Variants in LARS1 observed in about 807,000 individuals in gnomAD.
LARS1 encodes the protein leucine--tRNA ligase, cytoplasmic.
A neutral mutation model predicts 162.8 loss-of-function variants in LARS1; 100 were observed. The observed-to-expected ratio is 0.61, with a 90% CI of 0.52 to 0.73. The LOEUF (loss-of-function observed/expected upper bound fraction) is 0.73. LARS1 is among the 30% of genes least tolerant of loss of function. LARS1 has a pLI of 0.00. For synonymous variants in LARS1, 457 were observed against 462.8 expected (o/e 0.99, Z 0.16); for missense variants, 1,258 against 1,408.9 (o/e 0.89, Z 1.71).
intron 2 of LARS1, among the ~76,000 whole-genome samples, chr5:146,175,973 A>G (rs1310621305): frequency 6.6e-6 from 1 of 152,028 alleles, no homozygotes; most frequent in Non-Finnish European, 1.5e-5. Flanking sequence ...TGGGCAACAT[A>G]GCAAGACCCT....
Position 146,125,722 on chromosome 5 carries a change from C to G in LARS1, c.2991+713G>C, listed in dbSNP as rs139735689. On this transcript the variant is annotated intron_variant, in intron 28 of 31. Coordinates refer to ENST00000394434, the MANE Select transcript of LARS1 (RefSeq NM_020117.11). Reference sequence around the variant, plus strand: ...AAGATTTTTCTGGCCCCATAGCCTGCGATCTTAAGCAATATAAGCCTTCTT... The same window carrying G: ...AAGATTTTTCTGGCCCCATAGCCTGGGATCTTAAGCAATATAAGCCTTCTT... Among the ~76,000 whole-genome samples the G allele has an allele frequency of 1.3e-5, 2 of 151,898 alleles. 1 individual carries two copies. Among genetic ancestry groups the G allele is most frequent in the South Asian group, 4.1e-4 (2 of 4,830 alleles).
At chr5:146,125,966 T>G (rs1008797385) in intron 28 of LARS1, among the ~76,000 whole-genome samples, 1 of 151,938 alleles carries the variant, frequency 6.6e-6, no homozygotes, top group South Asian at 2.1e-4. Context: ...CCATTACATA[T>G]CCTACAGTGC....
At chr5:146,128,397 T>C (rs1360565523) in intron 27 of LARS1, among the ~76,000 whole-genome samples, 1 of 152,156 alleles carries the variant, frequency 6.6e-6, no homozygotes, top group Non-Finnish European at 1.5e-5. Context: ...TCATTTCAAC[T>C]ACACATATGA....
Position 146,132,918 on chromosome 5 carries a change from G to A in LARS1, c.2376C>T (p.Phe792=). 1 of 1,613,476 alleles carries A rather than the reference G, an allele frequency of 6.2e-7. No homozygotes were observed. Among genetic ancestry groups the A allele is most frequent in the Non-Finnish European group, 8.5e-7 (1 of 1,179,646 alleles). ...DSLRSGPAST[F]NDRVFASELN... ...ATTACCTGGCAAAAACTCTATCATT[G>A]AAAGTGCTGGCAGGACCACTTCTTA... Residue 792 remains phenylalanine, a synonymous_variant, in exon 23 of 32, where the codon TTC becomes TTT. Coordinates refer to ENST00000394434, the MANE Select transcript of LARS1 (RefSeq NM_020117.11).
chr5:146,181,848 C>CTTTTTTTT lies in LARS1; in HGVS notation c.6+632_6+639dup, dbSNP rs34658033. Among the ~76,000 whole-genome samples, 137 of 53,030 alleles carry CTTTTTTTT rather than the reference C, an allele frequency of 2.6e-3. 30 individuals are homozygous for CTTTTTTTT. Among genetic ancestry groups the CTTTTTTTT allele is most frequent in the East Asian group, 9.4e-3 (10 of 1,066 alleles). The allele number at this position is 53,030 out of a possible 152,430, so 34.8% of individuals were successfully genotyped here. A position where few individuals can be genotyped will look rare whatever the true frequency, so the allele number is the denominator to read the frequency against. On this transcript the variant is annotated intron_variant, in intron 1 of 31. Transcript: ENST00000394434. The stretch of plus-strand genomic sequence containing the variant: ...TTTACGGAGAGGCGCTCAATTTTTT[C>CTTTTTTTT]TTTTTTTTTTTTTTTTTTTTTTTTT...
At chr5:146,128,592 A>G (rs1752138683) in intron 27 of LARS1, 80 bp downstream of exon 27, 1 of 842,068 alleles carries the variant, frequency 1.2e-6, no homozygotes, top group African/African-American at 1.8e-5. Flanking sequence ...TCTCCCAGAC[A>G]TTGCCAACAT....
chr5:146,116,394 A>C (rs933620835), intron 31 of LARS1, among the ~76,000 whole-genome samples: 6 of 152,192 alleles, frequency 3.9e-5, no homozygotes, highest in African/African-American at 1.4e-4. Flanking sequence ...TGTCTAAAAC[A>C]GACCTCCCTC....
chr5:146,115,365 C>T (rs75094995), intron 31 of LARS1, among the ~76,000 whole-genome samples: 14,969 of 151,780 alleles, frequency 0.099, 843 homozygotes, highest in East Asian at 0.2. Flanking sequence ...TAAATAATGA[C>T]TACTCTAAGA....
In LARS1 at chr5:146,164,508, A is replaced by G. The variant is rs1481800361; in HGVS notation, c.433-37T>C. 2.5e-6 allele frequency: 4 copies of G among 1,595,828 alleles called. No homozygotes were observed. The African/African-American group carries it at 5.4e-5, about 21-fold the overall frequency. On this transcript the variant is annotated intron_variant, in intron 5 of 31. Transcript: ENST00000394434. The stretch of plus-strand genomic sequence containing the variant: ...GGAGAAAAATAAACTCGATCAAAGA[A>G]TAACCAACACTCCAGGAAAATGACC...
At position 146,131,113 on chromosome 5, in the gene LARS1, T is replaced by C. The variant is rs752891357; in HGVS notation, c.2397-4A>G. ...TATAATTCCTGCATTCAATTCACTA[T>C]TGAATACGGGGAAAAAAAGGTTATT... On this transcript the variant is annotated splice_polypyrimidine_tract_variant and splice_region_variant and intron_variant, in intron 23 of 31. Coordinates refer to ENST00000394434, the MANE Select transcript of LARS1 (RefSeq NM_020117.11). 6 of 1,473,296 alleles carry C rather than the reference T, an allele frequency of 4.1e-6. No homozygotes were observed. Among genetic ancestry groups the C allele is most frequent in the East Asian group, 4.6e-5 (2 of 43,130 alleles). The allele number at this position is 1,473,296 out of a possible 1,614,324, so 91.3% of individuals were successfully genotyped here. A position where few individuals can be genotyped will look rare whatever the true frequency, so the allele number is the denominator to read the frequency against.
intron 10 of LARS1, among the ~76,000 whole-genome samples, chr5:146,157,150 G>A (rs1753565608): frequency 6.6e-6 from 1 of 152,186 alleles, no homozygotes; most frequent in Admixed American, 6.5e-5. Context: ...ACCTTTGGAG[G>A]AGAGAGGTGA....
At chr5:146,170,954 AAAAC>A (rs1004752192) in intron 4 of LARS1, among the ~76,000 whole-genome samples, 1 of 152,052 alleles carries the variant, frequency 6.6e-6, no homozygotes, top group Non-Finnish European at 1.5e-5. Context: ...AGACAGAACT[AAAAC>A]AAATATGGCA....
chr5:146,167,513 G>A (rs1375517549), intron 5 of LARS1, among the ~76,000 whole-genome samples: 2 of 151,766 alleles, frequency 1.3e-5, no homozygotes, highest in East Asian at 3.9e-4. Flanking sequence ...ACGCCATTCT[G>A]ATGCCTCAGC....
intron 14 of LARS1, among the ~76,000 whole-genome samples, chr5:146,151,385 TA>T (rs1753282575): frequency 6.6e-6 from 1 of 152,214 alleles, no homozygotes; most frequent in African/African-American, 2.4e-5. Flanking sequence ...CATGGAAATA[TA>T]AACCACATTA....
chr5:146,153,183 T>A lies in LARS1; in HGVS notation c.1275A>T (p.Pro425=). The A allele has an allele frequency of 1.2e-6, 2 of 1,613,048 alleles. No individual in the cohort carries two copies. Among genetic ancestry groups the A allele is most frequent in the African/African-American group, 1.3e-5 (1 of 75,032 alleles). ...KYGIRDDMVL[P]FEPVPVIEIP... ...TTATCTATGTACTCACCGGCTCAAA[T>A]GGCAAGACCATGTCATCTCTAATTC... The change falls in exon 13 of 32, where the codon CCA becomes CCT. Residue 425 remains proline (P), a synonymous_variant. Transcript: ENST00000394434.
Position 146,133,036 on chromosome 5 carries a change from G to T in LARS1, c.2258C>A (p.Ala753Asp), listed in dbSNP as rs1752353279. ...ATCTGCCATGGCTTCCACAAAGTTG[G>T]CATCTTCTACAGTGTCACCAGCATC... The part of the protein sequence containing the change: ...LADAGDTVED[A>D]NFVEAMADAG... Residue 753 changes from alanine to aspartate, a missense_variant, in exon 23 of 32, where the codon GCC becomes GAC. Physicochemically the swap from Ala to Asp is moderately radical, Grantham distance 126 (BLOSUM62 -2). Transcript: ENST00000394434. 1 of 1,613,852 alleles carries T rather than the reference G, an allele frequency of 6.2e-7. No individual in the cohort carries two copies.
chr5:146,157,281 T>C, intron 10 of LARS1, 122 bp downstream of exon 10: 1 of 794,696 alleles, frequency 1.3e-6, no homozygotes, highest in East Asian at 2.6e-5. Context: ...ACACAAGACT[T>C]ACACAGTTTA....
In LARS1 at chr5:146,118,277, C is replaced by T. The variant is rs147417455; in HGVS notation, c.3325+2094G>A. 2.8e-3 allele frequency among the ~76,000 whole-genome samples: 421 copies of T among 152,200 alleles called. 2 individuals carry two copies. Among genetic ancestry groups the T allele is most frequent in the Middle Eastern group, 0.01 (3 of 294 alleles). Reference sequence around the variant, plus strand: ...AAGAAAGGCACAGAATAACAAATATCGCATGATCTCACTCACATGTGGAAT... The same window carrying T: ...AAGAAAGGCACAGAATAACAAATATTGCATGATCTCACTCACATGTGGAAT... On this transcript the variant is annotated intron_variant, in intron 31 of 31. Coordinates refer to ENST00000394434, the MANE Select transcript of LARS1 (RefSeq NM_020117.11).
In LARS1 at chr5:146,160,371, T is replaced by C. The variant is rs370838696; in HGVS notation, c.707+3A>G. Reference sequence around the variant, plus strand: ...TTATTATGCTCAAGTATAACAAACTTACCGCTTCCCAAATTTAATTTTGTT... The same window carrying C: ...TTATTATGCTCAAGTATAACAAACTCACCGCTTCCCAAATTTAATTTTGTT... On this transcript the variant is annotated splice_donor_region_variant and intron_variant, in intron 7 of 31. Coordinates refer to ENST00000394434, the MANE Select transcript of LARS1 (RefSeq NM_020117.11). 2.7e-6 allele frequency: 4 copies of C among 1,508,598 alleles called. No individual in the cohort carries two copies. In the African/African-American group the frequency reaches 5.6e-5, roughly 21 times the overall value. 93.5% of individuals were successfully genotyped at this position (1,508,598 alleles called of 1,614,324 possible). A position where few individuals can be genotyped will look rare whatever the true frequency, so the allele number is the denominator to read the frequency against.
Sources: allele counts gnomAD v4.1 joint callset (sites outside exome capture counted in the v4.1 genomes callset), GRCh38; gene constraint gnomAD v4.1.1; transcripts MANE v1.5; gene names NCBI Gene and HGNC (gene_info 2026-07-23, HGNC 2026-07-21).